SORCS3: variants seen among roughly 807,000 people sequenced by gnomAD.
The protein encoded by SORCS3 is sortilin related VPS10 domain containing receptor 3.
In SORCS3, 57 loss-of-function variants were observed where a neutral mutation model predicts 146.3. The ratio of observed to expected loss-of-function variants is 0.39; its 90% CI spans 0.31 to 0.49. The LOEUF is 0.49. SORCS3 is among the 20% of genes least tolerant of loss of function. The pLI, the probability that SORCS3 is intolerant of heterozygous loss-of-function variation, is 0.92. For missense variants in SORCS3, 1,341 were observed against 1,575.5 expected (o/e 0.85, Z 2.52); for synonymous variants, 653 against 618.5 (o/e 1.06, Z -0.83).
chr10:104,922,131 C>A (rs1397042822), intron 3 of SORCS3, among the ~76,000 whole-genome samples: 1 of 152,192 alleles, frequency 6.6e-6, no homozygotes, highest in Non-Finnish European at 1.5e-5. Flanking sequence ...CCTGAACTAT[C>A]TTTAAAATGC....
intron 1 of SORCS3, among the ~76,000 whole-genome samples, chr10:104,700,864 G>A (rs1353319228): frequency 1.3e-5 from 2 of 152,152 alleles, no homozygotes; most frequent in Non-Finnish European, 2.9e-5. Context: ...GGATCTCACA[G>A]CCAACCACAG....
At chr10:104,863,172 A>G (rs2018424039) in intron 2 of SORCS3, among the ~76,000 whole-genome samples, 1 of 152,206 alleles carries the variant, frequency 6.6e-6, no homozygotes, top group Non-Finnish European at 1.5e-5. Context: ...GTTCATAACC[A>G]AGGAGTTTCT....
chr10:104,812,015 A>G (rs951792375), intron 1 of SORCS3, among the ~76,000 whole-genome samples: 2 of 152,194 alleles, frequency 1.3e-5, no homozygotes, highest in African/African-American at 4.8e-5. Context: ...GGAATTGACA[A>G]CCTAGAAAAA....
intron 25 of SORCS3, among the ~76,000 whole-genome samples, chr10:105,260,531 G>A (rs977465898): frequency 2.0e-5 from 3 of 152,138 alleles, no homozygotes; most frequent in Admixed American, 6.5e-5. Flanking sequence ...AGGGGTCATG[G>A]GGACACCTCC....
At chr10:104,713,473 T>C (rs1372112526) in intron 1 of SORCS3, among the ~76,000 whole-genome samples, 1 of 152,222 alleles carries the variant, frequency 6.6e-6, no homozygotes, top group East Asian at 1.9e-4. Context: ...AGTTCCCCTC[T>C]GTTTCTAGTT....
intron 2 of SORCS3, among the ~76,000 whole-genome samples, chr10:104,899,469 G>A (rs2018830157): frequency 6.6e-6 from 1 of 152,186 alleles, no homozygotes; most frequent in Admixed American, 6.5e-5. Flanking sequence ...TCCATGCCAA[G>A]TTTTCCCACC....
chr10:104,773,739 G>T (rs559743789), intron 1 of SORCS3, among the ~76,000 whole-genome samples: 1 of 152,360 alleles, frequency 6.6e-6, no homozygotes, highest in South Asian at 2.1e-4. Context: ...ACATGAGAAA[G>T]AAGTGATAAG....
At chr10:105,058,867 A>T (rs962301783) in intron 5 of SORCS3, among the ~76,000 whole-genome samples, 6 of 152,244 alleles carry the variant, frequency 3.9e-5, no homozygotes, top group East Asian at 1.9e-4. Context: ...CTATACTTAA[A>T]AAATATATTG....
chr10:105,176,708 A>G (rs2056406911), intron 13 of SORCS3, among the ~76,000 whole-genome samples: 1 of 151,996 alleles, frequency 6.6e-6, no homozygotes, highest in South Asian at 2.1e-4. Flanking sequence ...ACAAAAAAAT[A>G]GCCATGCTTG....
chr10:104,757,149 G>GC (rs1213327996), intron 1 of SORCS3, among the ~76,000 whole-genome samples: 5 of 143,744 alleles, frequency 3.5e-5, no homozygotes, highest in Admixed American at 2.9e-4. Flanking sequence ...TCTGCCAGAG[G>GC]CCCCCTGACC....
At chr10:104,807,274 A>C (rs1310827637) in intron 1 of SORCS3, among the ~76,000 whole-genome samples, 1 of 152,084 alleles carries the variant, frequency 6.6e-6, no homozygotes, top group Non-Finnish European at 1.5e-5. Context: ...ACCACTTTTT[A>C]TTCCATTTTC....
intron 20 of SORCS3, among the ~76,000 whole-genome samples, chr10:105,241,559 G>A (rs188205171): frequency 1.1e-4 from 17 of 152,278 alleles, no homozygotes; most frequent in East Asian, 3.9e-4. Context: ...ACCCACACTC[G>A]GTGGGTCCTG....
chr10:104,973,106 A>G (rs1330075552), intron 3 of SORCS3, among the ~76,000 whole-genome samples: 1 of 152,126 alleles, frequency 6.6e-6, no homozygotes, highest in Non-Finnish European at 1.5e-5. Context: ...CCAGTATTTT[A>G]TTGAGGATTT....
intron 1 of SORCS3, among the ~76,000 whole-genome samples, chr10:104,684,481 C>T (rs939048217): frequency 2.6e-5 from 4 of 152,230 alleles, no homozygotes; most frequent in Admixed American, 6.5e-5. Flanking sequence ...GTGCCCGGCA[C>T]GGGAGCCACC....
rs150693871 is a variant in SORCS3 at position 104,907,721 on chromosome 10, C to T, written c.696-8112C>T. Among the ~76,000 whole-genome samples the T allele has an allele frequency of 2.0e-4, 31 of 152,338 alleles. No homozygotes were observed. In the East Asian group the frequency reaches 6.0e-3, roughly 29 times the overall value. On this transcript the variant is annotated intron_variant, in intron 2 of 26. Coordinates refer to ENST00000369701, the MANE Select transcript of SORCS3 (RefSeq NM_014978.3). ...CCTCTCTTTGTGAGACTAAACAATGCAGCCATGAGTTGGGTAAAAAGAGGT... is the reference window on the plus strand; with the variant it reads ...CCTCTCTTTGTGAGACTAAACAATGTAGCCATGAGTTGGGTAAAAAGAGGT...
chr10:105,238,403 A>C (rs2056805163), intron 20 of SORCS3, among the ~76,000 whole-genome samples: 1 of 152,206 alleles, frequency 6.6e-6, no homozygotes, highest in African/African-American at 2.4e-5. Flanking sequence ...AGTGATGGAT[A>C]TGCAGACATT....
chr10:104,831,134 C>T (rs78882118), intron 1 of SORCS3, among the ~76,000 whole-genome samples: 11,271 of 152,086 alleles, frequency 0.074, 1,319 homozygotes, highest in African/African-American at 0.25. Context: ...CACCAAGCCA[C>T]GACAAATTAT....
chr10:104,940,238 A>ATATTT (rs1435205868), intron 3 of SORCS3, among the ~76,000 whole-genome samples: 19 of 31,504 alleles, frequency 6.0e-4, no homozygotes, highest in Admixed American at 8.3e-4. Flanking sequence ...ATATATATAT[A>ATATTT]TTTTTTTTTT....
intron 4 of SORCS3, among the ~76,000 whole-genome samples, chr10:105,025,881 C>CACACACACACACA (rs1554870021): frequency 5.4e-5 from 8 of 148,620 alleles, no homozygotes; most frequent in African/African-American, 1.7e-4. Flanking sequence ...CACACACACA[C>CACACACACACACA]CTGAAGAACA....
Sources: gnomAD v4.1 joint callset for allele counts (sites outside exome capture counted in the v4.1 genomes callset) on GRCh38, gnomAD v4.1.1 for gene constraint, MANE v1.5 for transcripts, NCBI Gene and HGNC (gene_info 2026-07-23, HGNC 2026-07-21) for gene names.